SCARA5: variants seen among roughly 807,000 people sequenced by gnomAD.
SCARA5 encodes the protein scavenger receptor class A member 5.
A neutral mutation model predicts 46.3 loss-of-function variants in SCARA5; 45 were observed. The observed-to-expected ratio is 0.97, with a 90% CI of 0.76 to 1.24. The LOEUF is 1.24. Among genes scored for constraint, SCARA5 ranks in the 50% most tolerant of loss-of-function variants. SCARA5 has a pLI of 0.00. For synonymous variants in SCARA5, 333 were observed against 306.5 expected (o/e 1.09, Z -0.90); for missense variants, 680 against 689.0 (o/e 0.99, Z 0.15).
intron 3 of SCARA5, among the ~76,000 whole-genome samples, chr8:27,940,760 G>GTCCA (rs60443615): frequency 0.85 from 108,905 of 128,142 alleles, 46,787 homozygotes; most frequent in Non-Finnish European, 0.91. Context: ...CCAACCATCT[G>GTCCA]TCCATCCATC....
chr8:27,977,679 C>T (rs1001967456), intron 2 of SCARA5, among the ~76,000 whole-genome samples: 1 of 152,246 alleles, frequency 6.6e-6, no homozygotes, highest in Non-Finnish European at 1.5e-5. Flanking sequence ...TAAGACTTGA[C>T]ACTGCACCTC....
At chr8:27,924,868 G>A (rs1189456767) in intron 3 of SCARA5, among the ~76,000 whole-genome samples, 2 of 152,106 alleles carry the variant, frequency 1.3e-5, no homozygotes, top group Non-Finnish European at 2.9e-5. Context: ...GCCAAATCAT[G>A]AGTATACTCC....
intron 3 of SCARA5, among the ~76,000 whole-genome samples, chr8:27,936,649 T>G (rs984968690): frequency 4.3e-5 from 6 of 138,908 alleles, no homozygotes; most frequent in Non-Finnish European, 6.1e-5. Context: ...GTGGATTGGC[T>G]GCAACCCAGA....
At chr8:27,933,521 T>TAAA (rs10660825) in intron 3 of SCARA5, among the ~76,000 whole-genome samples, 115,014 of 130,774 alleles carry the variant, frequency 0.88, 52,350 homozygotes, top group East Asian at 0.99. Context: ...GACTCCATCT[T>TAAA]AAAAAAAAAA....
At chr8:27,890,597 G>A (rs965855664) in intron 7 of SCARA5, among the ~76,000 whole-genome samples, 2 of 129,208 alleles carry the variant, frequency 1.5e-5, no homozygotes, top group Admixed American at 7.7e-5. Context: ...GAATGCCTCC[G>A]GATCCCTGGT....
chr8:27,966,868 A>G (rs1276304546), intron 2 of SCARA5, among the ~76,000 whole-genome samples: 1 of 152,242 alleles, frequency 6.6e-6, no homozygotes, highest in Non-Finnish European at 1.5e-5. Flanking sequence ...GTGGCTTTAA[A>G]AAGTGTCATT....
intron 2 of SCARA5, among the ~76,000 whole-genome samples, chr8:27,968,091 G>A (rs2726935): frequency 0.99 from 150,952 of 152,288 alleles, 74,827 homozygotes; most frequent in Middle Eastern, 1. Flanking sequence ...GTTACATATC[G>A]CCTCCCAGGT....
chr8:27,948,368 G>GA (rs1808069923), intron 3 of SCARA5, among the ~76,000 whole-genome samples: 1 of 152,184 alleles, frequency 6.6e-6, no homozygotes, highest in Non-Finnish European at 1.5e-5. Flanking sequence ...GGGAGGCAGG[G>GA]AGGCCCCAGC....
intron 7 of SCARA5, among the ~76,000 whole-genome samples, chr8:27,904,123 A>T (rs1807210370): frequency 6.6e-6 from 1 of 152,200 alleles, no homozygotes; most frequent in South Asian, 2.1e-4. Context: ...CATCAGAAAG[A>T]TGCCCATTAC....
chr8:27,984,937 A>G (rs1403857577), intron 2 of SCARA5, among the ~76,000 whole-genome samples: 1 of 151,960 alleles, frequency 6.6e-6, no homozygotes, highest in African/African-American at 2.4e-5. Context: ...CCATTCATCC[A>G]TCCATTCATT....
Position 27,921,559 on chromosome 8 carries a change from G to C in SCARA5, c.916+12C>G, listed in dbSNP as rs756008001. On this transcript the variant is annotated intron_variant, in intron 4 of 8. Coordinates refer to ENST00000354914, the MANE Select transcript of SCARA5 (RefSeq NM_173833.6). ...GGGGCCGTGGGTGGAGGCAGCAAGG[G>C]CCTGGCGGTACCTTTCGCGAGGGAG... 5.2e-6 allele frequency: 8 copies of C among 1,537,048 alleles called. No individual in the cohort carries two copies. Among genetic ancestry groups the C allele is most frequent in the Admixed American group, 1.8e-5 (1 of 54,162 alleles).
intron 3 of SCARA5, among the ~76,000 whole-genome samples, chr8:27,943,352 AG>A (rs1807981714): frequency 1.3e-5 from 2 of 152,100 alleles, no homozygotes; most frequent in Non-Finnish European, 2.9e-5. Context: ...CTGAGGTGGG[AG>A]GATCACCTGA....
intron 3 of SCARA5, among the ~76,000 whole-genome samples, chr8:27,958,694 T>C (rs1808243337): frequency 6.6e-6 from 1 of 152,234 alleles, no homozygotes. Context: ...CTGCAATACC[T>C]GGCAGAAACC....
intron 2 of SCARA5, among the ~76,000 whole-genome samples, chr8:27,986,271 C>G (rs1808703794): frequency 6.6e-6 from 1 of 152,208 alleles, no homozygotes; most frequent in African/African-American, 2.4e-5. Flanking sequence ...CCCACATCTT[C>G]TCTTAGACAA....
At chr8:27,979,175 C>T (rs1360541691) in intron 2 of SCARA5, among the ~76,000 whole-genome samples, 2 of 152,194 alleles carry the variant, frequency 1.3e-5, no homozygotes, top group African/African-American at 2.4e-5. Flanking sequence ...ATCCCATCAT[C>T]TCTCTTTGCC....
chr8:27,962,501 A>G (rs1808308662), intron 3 of SCARA5, among the ~76,000 whole-genome samples: 1 of 152,224 alleles, frequency 6.6e-6, no homozygotes, highest in Non-Finnish European at 1.5e-5. Context: ...CAGTGTCCCA[A>G]TAAAGGTTGA....
intron 7 of SCARA5, among the ~76,000 whole-genome samples, chr8:27,882,070 T>A (rs962446221): frequency 3.3e-5 from 5 of 152,246 alleles, no homozygotes; most frequent in African/African-American, 4.8e-5. Flanking sequence ...TGGCAACCAC[T>A]GATCTTTTCA....
Position 27,879,711 on chromosome 8 carries a change from C to T in SCARA5, c.1209G>A (p.Glu403=). 1 of 1,613,128 alleles carries T rather than the reference C, an allele frequency of 6.2e-7. No individual in the cohort carries two copies. The highest frequency in any genetic ancestry group is 8.5e-7 in the Non-Finnish European group (1 of 1,180,030). The change falls in exon 8 of 9, where the codon GAG becomes GAA. Residue 403 remains glutamate (E), a synonymous_variant. Transcript: ENST00000354914. ...GGTCGTGGTACACTTCCACGCGGCCCTCGTGCGGACCTGAGCCATTCACCA... is the reference window on the plus strand; with the variant it reads ...GGTCGTGGTACACTTCCACGCGGCCTTCGTGCGGACCTGAGCCATTCACCA... The part of the protein sequence containing the change: ...IRLVNGSGPH[E]GRVEVYHDRR...
intron 7 of SCARA5, among the ~76,000 whole-genome samples, chr8:27,882,046 C>A (rs1806820846): frequency 6.6e-6 from 1 of 152,246 alleles, no homozygotes; most frequent in African/African-American, 2.4e-5. Context: ...TCATCTCTCC[C>A]TCCTCCCTAC....
Sources: allele counts gnomAD v4.1 joint callset (sites outside exome capture counted in the v4.1 genomes callset), GRCh38; gene constraint gnomAD v4.1.1; transcripts MANE v1.5; gene names NCBI Gene and HGNC (gene_info 2026-07-23, HGNC 2026-07-21).